The following GPR39 variants were observed in gnomAD, a reference collection of about 807,000 sequenced individuals.
GPR39 encodes the protein zinc sensing receptor.
GPR39 carries 23 observed loss-of-function variants against 18.4 expected under a neutral mutation model. The observed-to-expected ratio is 1.25, with a 90% CI of 0.90 to 1.77. The LOEUF is 1.77. Ranked by LOEUF, GPR39 falls within the 40% of genes most tolerant of loss-of-function variation. The pLI, the probability that GPR39 is intolerant of heterozygous loss-of-function variation, is 0.00. For missense variants in GPR39, 647 were observed against 602.4 expected, an observed-to-expected ratio of 1.07 and a Z score of -0.78; for synonymous variants, 280 against 257.9, an observed-to-expected ratio of 1.09 and a Z score of -0.82.
intron 1 of GPR39, among the ~76,000 whole-genome samples, chr2:132,483,244 G>A (rs1293849300): frequency 6.6e-6 from 1 of 152,206 alleles, no homozygotes; most frequent in Non-Finnish European, 1.5e-5. Flanking sequence ...TCATTGTTAT[G>A]ACAGAGCGAT....
chr2:132,495,986 A>C (rs1392597696), intron 1 of GPR39, among the ~76,000 whole-genome samples: 1 of 152,126 alleles, frequency 6.6e-6, no homozygotes, highest in African/African-American at 2.4e-5. Context: ...AGATTCAAAG[A>C]GCAAACCCTC....
At chr2:132,637,228 C>A (rs538196548) in intron 1 of GPR39, among the ~76,000 whole-genome samples, 10 of 152,292 alleles carry the variant, frequency 6.6e-5, no homozygotes, top group Non-Finnish European at 4.4e-5. Context: ...ACAGGAGGGT[C>A]TATTTTAGAA....
chr2:132,588,141 G>A (rs191637385), intron 1 of GPR39, among the ~76,000 whole-genome samples: 1 of 152,278 alleles, frequency 6.6e-6, no homozygotes, highest in East Asian at 1.9e-4. Flanking sequence ...TTGCGATTGT[G>A]ATGGAGAAGG....
chr2:132,536,893 T>A (rs1445721458), intron 1 of GPR39, among the ~76,000 whole-genome samples: 1 of 152,228 alleles, frequency 6.6e-6, no homozygotes, highest in Non-Finnish European at 1.5e-5. Context: ...TTGCAACCCC[T>A]GCTTTTTCTT....
At chr2:132,496,585 G>A (rs1471349434) in intron 1 of GPR39, among the ~76,000 whole-genome samples, 1 of 152,218 alleles carries the variant, frequency 6.6e-6, no homozygotes, top group Non-Finnish European at 1.5e-5. Context: ...CCTTGGCTAA[G>A]CTCCACCATC....
chr2:132,628,904 G>A (rs915123653), intron 1 of GPR39, among the ~76,000 whole-genome samples: 1 of 152,048 alleles, frequency 6.6e-6, no homozygotes, highest in Non-Finnish European at 1.5e-5. Flanking sequence ...TGCTGTACTA[G>A]GCATGTGCTG....
In GPR39 at chr2:132,646,280, C is replaced by G; in HGVS notation, c.*674C>G. The G allele has an allele frequency of 6.7e-7, 1 of 1,488,256 alleles. No homozygotes were observed. Among genetic ancestry groups the G allele is most frequent in the Non-Finnish European group, 9.0e-7 (1 of 1,112,398 alleles). 92.2% of individuals were successfully genotyped at this position (1,488,256 alleles called of 1,614,324 possible). ...TGCACAGGACTTGCGGTACATGATCCCTGTAACACAGACCCAAAGGAGCTG... is the reference window on the plus strand; with the variant it reads ...TGCACAGGACTTGCGGTACATGATCGCTGTAACACAGACCCAAAGGAGCTG... On this transcript the variant is annotated 3_prime_UTR_variant, in exon 2 of 2. Transcript: ENST00000329321.
chr2:132,471,218 G>A (rs533413706), intron 1 of GPR39, among the ~76,000 whole-genome samples: 2 of 152,232 alleles, frequency 1.3e-5, no homozygotes, highest in African/African-American at 2.4e-5. Flanking sequence ...GGTCACATGA[G>A]ATGTGACCAG....
intron 1 of GPR39, among the ~76,000 whole-genome samples, chr2:132,439,805 G>A (rs977604973): frequency 1.3e-5 from 2 of 152,118 alleles, no homozygotes; most frequent in African/African-American, 4.8e-5. Flanking sequence ...AGCTAGTGGT[G>A]GCCAGGATAT....
chr2:132,545,643 A>T (rs991623909), intron 1 of GPR39, among the ~76,000 whole-genome samples: 6 of 129,326 alleles, frequency 4.6e-5, no homozygotes, highest in African/African-American at 2.0e-4. Flanking sequence ...ATAATCCACG[A>T]TGTGTGATGG....
At chr2:132,513,093 C>T (rs911611730) in intron 1 of GPR39, among the ~76,000 whole-genome samples, 4 of 152,126 alleles carry the variant, frequency 2.6e-5, no homozygotes, top group East Asian at 1.9e-4. Context: ...CTCAATCACA[C>T]GGCTGCACTA....
chr2:132,643,730 G>A (rs1052925695), intron 1 of GPR39, among the ~76,000 whole-genome samples: 1 of 152,136 alleles, frequency 6.6e-6, no homozygotes, highest in South Asian at 2.1e-4. Flanking sequence ...ATGTTGCCTA[G>A]GTGGGTCTCA....
chr2:132,618,217 C>T (rs1681374219), intron 1 of GPR39, among the ~76,000 whole-genome samples: 1 of 152,204 alleles, frequency 6.6e-6, no homozygotes, highest in Admixed American at 6.5e-5. Context: ...CATCCGGCCA[C>T]CTGACAAAGG....
rs577683749 is a variant in GPR39 at position 132,419,876 on chromosome 2, G to A, written c.856+1978G>A. 1.8e-4 allele frequency among the ~76,000 whole-genome samples: 28 copies of A among 152,218 alleles called. No individual in the cohort carries two copies. The East Asian group carries it at 5.4e-3, about 29-fold the overall frequency. On this transcript the variant is annotated intron_variant, in intron 1 of 1. Transcript: ENST00000329321. ...GCCTTTGACCAAAGGGAAAATCATT[G>A]ATTTATCGTTACTCTATTTGACCAA...
At chr2:132,490,020 T>C (rs1159305092) in intron 1 of GPR39, among the ~76,000 whole-genome samples, 1 of 151,764 alleles carries the variant, frequency 6.6e-6, no homozygotes, top group Non-Finnish European at 1.5e-5. Flanking sequence ...ACCTGGCATG[T>C]GGCACCGTGC....
intron 1 of GPR39, among the ~76,000 whole-genome samples, chr2:132,504,266 C>G (rs904392105): frequency 1.3e-5 from 2 of 152,178 alleles, no homozygotes; most frequent in African/African-American, 4.8e-5. Flanking sequence ...AAGTCTAAAG[C>G]CATCATTCAT....
intron 1 of GPR39, among the ~76,000 whole-genome samples, chr2:132,623,468 G>T (rs1045137641): frequency 6.6e-6 from 1 of 152,190 alleles, no homozygotes; most frequent in Non-Finnish European, 1.5e-5. Context: ...GGACAGTCTG[G>T]TGCCACCTCA....
chr2:132,494,739 A>G (rs1395236863), intron 1 of GPR39, among the ~76,000 whole-genome samples: 1 of 151,662 alleles, frequency 6.6e-6, no homozygotes, highest in Non-Finnish European at 1.5e-5. Flanking sequence ...ACTAACTTTG[A>G]GCTTTTTTTA....
intron 1 of GPR39, among the ~76,000 whole-genome samples, chr2:132,535,871 C>T (rs1679748206): frequency 1.3e-5 from 2 of 151,548 alleles, no homozygotes; most frequent in South Asian, 2.1e-4. Flanking sequence ...TTATGGTATT[C>T]TCTGCTGGTA....
Sources: gnomAD v4.1 joint callset for allele counts (sites outside exome capture counted in the v4.1 genomes callset) on GRCh38, gnomAD v4.1.1 for gene constraint, MANE v1.5 for transcripts, NCBI Gene and HGNC (gene_info 2026-07-23, HGNC 2026-07-21) for gene names.